ULK4: variants seen among roughly 807,000 people sequenced by gnomAD.
ULK4 encodes unc-51 like kinase 4.
ULK4 carries 133 observed loss-of-function variants against 160.6 expected under a neutral mutation model. The observed-to-expected ratio is 0.83, with a 90% CI of 0.72 to 0.96. The LOEUF is 0.96. Ranked by LOEUF, ULK4 falls within the 40% of genes least tolerant of loss-of-function variation. The pLI is 0.00. For missense variants in ULK4, 1,580 were observed against 1,499.5 expected (o/e 1.05, Z -0.89); for synonymous variants, 534 against 539.8 (o/e 0.99, Z 0.15).
intron 30 of ULK4, among the ~76,000 whole-genome samples, chr3:41,637,202 C>T (rs1028598726): frequency 2.6e-5 from 4 of 152,100 alleles, no homozygotes; most frequent in Non-Finnish European, 5.9e-5. Context: ...CAACCTTCTA[C>T]CTCCTTCCCT....
intron 22 of ULK4, among the ~76,000 whole-genome samples, chr3:41,737,597 C>T (rs995947988): frequency 6.6e-6 from 1 of 151,774 alleles, no homozygotes; most frequent in African/African-American, 2.4e-5. Flanking sequence ...AGGCATCACG[C>T]TATCTAAGTC....
intron 32 of ULK4, among the ~76,000 whole-genome samples, chr3:41,561,720 T>C (rs1373396915): frequency 1.3e-5 from 2 of 151,392 alleles, no homozygotes; most frequent in African/African-American, 4.9e-5. Flanking sequence ...CTCTTTATCA[T>C]TTTTTATTGT....
chr3:41,554,513 G>C (rs1366425112), intron 32 of ULK4, among the ~76,000 whole-genome samples: 1 of 152,130 alleles, frequency 6.6e-6, no homozygotes, highest in Admixed American at 6.6e-5. Context: ...TTGATCTCAT[G>C]TAGGTAGAAA....
At chr3:41,441,342 G>C (rs1412678999) in intron 34 of ULK4, among the ~76,000 whole-genome samples, 1 of 152,016 alleles carries the variant, frequency 6.6e-6, no homozygotes, top group African/African-American at 2.4e-5. Context: ...ATTCTCATAT[G>C]TAGTGCTTTC....
At chr3:41,870,322 G>A (rs550138062) in intron 17 of ULK4, among the ~76,000 whole-genome samples, 2 of 152,260 alleles carry the variant, frequency 1.3e-5, no homozygotes, top group East Asian at 3.9e-4. Context: ...CCTTCTGAGA[G>A]TCAAATCATG....
At chr3:41,444,927 C>A (rs2083262503) in intron 34 of ULK4, among the ~76,000 whole-genome samples, 1 of 152,132 alleles carries the variant, frequency 6.6e-6, no homozygotes, top group South Asian at 2.1e-4. Context: ...AAGAGGAATT[C>A]AAATTGTCCC....
At chr3:41,842,822 G>C (rs1333523195) in intron 17 of ULK4, among the ~76,000 whole-genome samples, 1 of 152,186 alleles carries the variant, frequency 6.6e-6, no homozygotes, top group South Asian at 2.1e-4. Flanking sequence ...TTACTGGTGG[G>C]ATAGGCACAT....
chr3:41,782,261 C>G (rs116155020), intron 21 of ULK4, among the ~76,000 whole-genome samples: 118 of 151,748 alleles, frequency 7.8e-4, no homozygotes, highest in Non-Finnish European at 1.4e-3. Flanking sequence ...GCCATATTAT[C>G]AGAAACAGAA....
At chr3:41,286,319 C>CA (rs2079456782) in intron 35 of ULK4, among the ~76,000 whole-genome samples, 1 of 152,090 alleles carries the variant, frequency 6.6e-6, no homozygotes, top group African/African-American at 2.4e-5. Flanking sequence ...CTGAGAGAGA[C>CA]AGCTTTTTTT....
intron 33 of ULK4, among the ~76,000 whole-genome samples, chr3:41,459,603 A>G (rs2083636741): frequency 6.6e-6 from 1 of 152,250 alleles, no homozygotes; most frequent in Admixed American, 6.5e-5. Context: ...GAAAACTGCT[A>G]TAATAGAGGT....
chr3:41,867,020 T>C (rs1696912664), intron 17 of ULK4, among the ~76,000 whole-genome samples: 4 of 152,220 alleles, frequency 2.6e-5, no homozygotes, highest in Admixed American at 2.0e-4. Flanking sequence ...TTTAAAAATC[T>C]TATGCAATTT....
chr3:41,544,910 T>C (rs753142044), intron 32 of ULK4, among the ~76,000 whole-genome samples: 3 of 152,188 alleles, frequency 2.0e-5, no homozygotes, highest in South Asian at 2.1e-4. Context: ...AAGGCTACCA[T>C]GCAGGTATGA....
At chr3:41,332,129 G>T (rs1203006870) in intron 35 of ULK4, among the ~76,000 whole-genome samples, 1 of 151,798 alleles carries the variant, frequency 6.6e-6, no homozygotes, top group Non-Finnish European at 1.5e-5. Context: ...GTACCCATTG[G>T]AAATCTGAGT....
intron 13 of ULK4, 95 bp downstream of exon 13, chr3:41,900,630 G>A: frequency 2.9e-6 from 3 of 1,018,898 alleles, no homozygotes; most frequent in South Asian, 3.1e-5. Flanking sequence ...AAACAGGAAA[G>A]ATTATACAGT....
intron 31 of ULK4, among the ~76,000 whole-genome samples, chr3:41,615,161 A>T (rs2125682075): frequency 6.6e-6 from 1 of 152,164 alleles, no homozygotes. Context: ...TCTTTAACAG[A>T]TGGTTTTAAA....
chr3:41,648,633 C>T (rs1354189766), intron 30 of ULK4, among the ~76,000 whole-genome samples: 2 of 152,182 alleles, frequency 1.3e-5, no homozygotes, highest in African/African-American at 4.8e-5. Context: ...TTTTAAGCAT[C>T]TCAAAGCCAA....
intron 1 of ULK4, among the ~76,000 whole-genome samples, chr3:41,961,548 TCACC>T (rs2148852701): frequency 2.0e-4 from 1 of 5,092 alleles, no homozygotes; most frequent in African/African-American, 4.1e-4. Flanking sequence ...ACGTAGTCAC[TCACC>T]CCCCCCCCCC....
chr3:41,565,011 T>C (rs2087737534), intron 32 of ULK4, among the ~76,000 whole-genome samples: 1 of 152,220 alleles, frequency 6.6e-6, no homozygotes, highest in Non-Finnish European at 1.5e-5. Context: ...CTTCTAAGTT[T>C]AAATATACAA....
intron 29 of ULK4, among the ~76,000 whole-genome samples, chr3:41,672,252 G>T (rs780402589): frequency 1.3e-5 from 2 of 152,056 alleles, no homozygotes; most frequent in African/African-American, 2.4e-5. Flanking sequence ...ATGTATCAAA[G>T]AAACACATGC....
Sources: allele counts gnomAD v4.1 joint callset (sites outside exome capture counted in the v4.1 genomes callset), GRCh38; gene constraint gnomAD v4.1.1; transcripts MANE v1.5; gene names NCBI Gene and HGNC (gene_info 2026-07-23, HGNC 2026-07-21).